NPM1: variants seen among roughly 807,000 people sequenced by gnomAD.
The protein encoded by NPM1 is nucleophosmin.
A neutral mutation model predicts 44.1 loss-of-function variants in NPM1; 1 was observed. The observed-to-expected ratio is 0.02, with a 90% CI of 0.01 to 0.11. The LOEUF (loss-of-function observed/expected upper bound fraction) is 0.11. NPM1 is among the 10% of genes least tolerant of loss of function. The pLI, the probability that NPM1 is intolerant of heterozygous loss-of-function variation, is 1.00. For synonymous variants in NPM1, 126 were observed against 111.8 expected (o/e 1.13, Z -0.80); for missense variants, 197 against 347.8 (o/e 0.57, Z 3.45).
At chr5:171,390,225 C>T (rs913558988) in intron 2 of NPM1, 95 bp downstream of exon 2, 3 of 654,394 alleles carry the variant, frequency 4.6e-6, no homozygotes, top group Non-Finnish European at 7.7e-6. Context: ...CCTTTGCTGA[C>T]TGCTTATAAA....
At chr5:171,410,489 G>C in intron 10 of NPM1, 38 bp from the exon 11 acceptor site, 1 of 1,372,648 alleles carries the variant, frequency 7.3e-7, no homozygotes, top group Non-Finnish European at 1.0e-6. Context: ...ATGAAGTGTT[G>C]TGGTTCCTTA....
intron 6 of NPM1, among the ~76,000 whole-genome samples, chr5:171,399,494 C>T (rs1452320964): frequency 6.6e-6 from 1 of 152,134 alleles, no homozygotes; most frequent in Non-Finnish European, 1.5e-5. Context: ...ACCTCAGCCT[C>T]CCAAAGTGTT....
chr5:171,407,996 C>T (rs1771657256), intron 10 of NPM1, among the ~76,000 whole-genome samples: 1 of 151,998 alleles, frequency 6.6e-6, no homozygotes, highest in Non-Finnish European at 1.5e-5. Flanking sequence ...TCCCAGATTT[C>T]CTATAGTTGG....
intron 1 of NPM1, among the ~76,000 whole-genome samples, chr5:171,388,663 T>A (rs568914314): frequency 1.1e-4 from 16 of 152,310 alleles, no homozygotes; most frequent in South Asian, 6.2e-4. Context: ...GAGCCAGGGA[T>A]GCTGTGGCTC....
rs769397977 is a variant in NPM1 at position 171,392,771 on chromosome 5, A to G, written c.414A>G (p.Ile138Met). ...AGGAGGATGTGAAACTCTTAAGTAT[A>G]TCTGGAAAGCGGTCTGCCCCTGGAG... is the stretch of plus-strand genomic sequence containing the variant. ...EEEEDVKLLS[I>M]SGKRSAPGGG... is the part of the protein sequence containing the mutation. The change falls in exon 5 of 11, where the codon ATA (isoleucine) becomes ATG (methionine). Residue 138 changes from isoleucine (I) to methionine (M), a missense_variant. This residue lies in a region of NPM1 where 91 missense variants were observed against 94.0 expected (regional missense o/e 0.97). Coordinates refer to ENST00000296930, the MANE Select transcript of NPM1 (RefSeq NM_002520.7). 17 of 1,613,846 alleles carry G rather than the reference A, an allele frequency of 1.1e-5. No individual in the cohort carries two copies. Among genetic ancestry groups the G allele is most frequent in the Non-Finnish European group, 1.4e-5 (16 of 1,179,926 alleles).
At chr5:171,390,210 T>C in intron 2 of NPM1, 80 bp downstream of exon 2, 2 of 781,922 alleles carry the variant, frequency 2.6e-6, no homozygotes, top group South Asian at 1.9e-5. Flanking sequence ...CTTGAGACTT[T>C]TTTTCCTTTG....
At chr5:171,388,912 C>T (rs973088528) in intron 1 of NPM1, among the ~76,000 whole-genome samples, 3 of 152,216 alleles carry the variant, frequency 2.0e-5, no homozygotes, top group South Asian at 4.1e-4. Flanking sequence ...AACCAAGACG[C>T]TTGACTCCGT....
At chr5:171,393,922 C>T (rs192450237) in intron 6 of NPM1, among the ~76,000 whole-genome samples, 6 of 151,968 alleles carry the variant, frequency 3.9e-5, no homozygotes, top group African/African-American at 9.7e-5. Context: ...GAGGCCAGCC[C>T]GGTCAAAATA....
At chr5:171,404,847 T>C (rs1453140680) in intron 8 of NPM1, among the ~76,000 whole-genome samples, 1 of 152,012 alleles carries the variant, frequency 6.6e-6, no homozygotes, top group Non-Finnish European at 1.5e-5. Context: ...CTGGGCACCA[T>C]TGAGCACTGA....
At position 171,400,109 on chromosome 5, in the gene NPM1, C is replaced by T. The variant is rs371333326; in HGVS notation, c.525-44C>T. 8.8e-6 allele frequency: 10 copies of T among 1,142,100 alleles called. No individual in the cohort carries two copies. The African/African-American group carries it at 1.5e-4, about 17-fold the overall frequency. 70.7% of individuals were successfully genotyped at this position (1,142,100 alleles called of 1,614,324 possible). A position where few individuals can be genotyped will look rare whatever the true frequency, so the allele number is the denominator to read the frequency against. ...CCTGCTTTCAATTCTTGTGTCTACTCCCAAATTTTGAAAGTGCTTAATGTC... is the reference window on the plus strand; with the variant it reads ...CCTGCTTTCAATTCTTGTGTCTACTTCCAAATTTTGAAAGTGCTTAATGTC... On this transcript the variant is annotated intron_variant, in intron 6 of 10. Transcript: ENST00000296930.
At chr5:171,389,528 T>C (rs942410769) in intron 1 of NPM1, among the ~76,000 whole-genome samples, 1 of 152,204 alleles carries the variant, frequency 6.6e-6, no homozygotes, top group African/African-American at 2.4e-5. Context: ...TTTCTGAATA[T>C]AGTTTGAGGC....
chr5:171,399,365 C>T (rs557496435), intron 6 of NPM1, among the ~76,000 whole-genome samples: 1 of 152,274 alleles, frequency 6.6e-6, no homozygotes, highest in African/African-American at 2.4e-5. Flanking sequence ...CCTGCCTTAG[C>T]TTTTCAAATA....
chr5:171,391,185 C>G (rs1371894853), intron 2 of NPM1, 120 bp from the exon 3 acceptor site: 1 of 1,137,322 alleles, frequency 8.8e-7, no homozygotes, highest in Non-Finnish European at 1.3e-6. Context: ...TGTCTAACAA[C>G]ACATTTCTCA....
intron 6 of NPM1, among the ~76,000 whole-genome samples, chr5:171,395,760 C>T (rs7724563): frequency 0.4 from 61,465 of 151,908 alleles, 12,448 homozygotes; most frequent in East Asian, 0.55. Flanking sequence ...CTTTTGAACA[C>T]AGATCAAAGG....
At chr5:171,397,684 A>G (rs1365153873) in intron 6 of NPM1, among the ~76,000 whole-genome samples, 6 of 151,928 alleles carry the variant, frequency 3.9e-5, no homozygotes, top group Non-Finnish European at 7.4e-5. Context: ...TTTAGTAGAG[A>G]AGGGGTTTTG....
chr5:171,398,286 T>C (rs1196700401), intron 6 of NPM1, among the ~76,000 whole-genome samples: 2 of 152,224 alleles, frequency 1.3e-5, no homozygotes, highest in African/African-American at 4.8e-5. Context: ...AAATTCAAAG[T>C]TGTGAAAATT....
chr5:171,396,298 A>G (rs1036735073), intron 6 of NPM1, among the ~76,000 whole-genome samples: 1 of 152,142 alleles, frequency 6.6e-6, no homozygotes, highest in Non-Finnish European at 1.5e-5. Context: ...CTGTTTTGAT[A>G]GTAGTTTTGA....
chr5:171,392,904 C>T lies in NPM1; in HGVS notation c.460-10C>T. 1.2e-6 allele frequency: 2 copies of T among 1,611,988 alleles called. No homozygotes were observed. Among genetic ancestry groups the T allele is most frequent in the Non-Finnish European group, 1.7e-6 (2 of 1,178,344 alleles). On this transcript the variant is annotated splice_polypyrimidine_tract_variant and intron_variant, in intron 5 of 10. Coordinates refer to ENST00000296930, the MANE Select transcript of NPM1 (RefSeq NM_002520.7). The stretch of plus-strand genomic sequence containing the variant: ...TCTTGTTCATGAGTACGTATCTTTT[C>T]TTTTAAAAGAAAAAAGTAAAACTTG...
intron 1 of NPM1, 132 bp downstream of exon 1, chr5:171,388,138 G>A: frequency 1.2e-6 from 1 of 821,450 alleles, no homozygotes; most frequent in Admixed American, 2.3e-5. Context: ...CTGAGCGGGT[G>A]GGAAGAGCTG....
Sources: gnomAD v4.1 joint callset for allele counts (sites outside exome capture counted in the v4.1 genomes callset) on GRCh38, gnomAD v4.1.1 for gene constraint, gnomAD v4.1.1 regional missense constraint, MANE v1.5 for transcripts, NCBI Gene and HGNC (gene_info 2026-07-23, HGNC 2026-07-21) for gene names.